The following PALLD variants were observed in gnomAD, a reference collection of about 807,000 sequenced individuals.
PALLD encodes palladin, cytoskeletal associated protein, also known as palladin.
PALLD carries 61 observed loss-of-function variants against 123.5 expected under a neutral mutation model. That is an observed-to-expected ratio of 0.49 (90% CI 0.40 to 0.61). The LOEUF (loss-of-function observed/expected upper bound fraction) is 0.61, where lower values mean the gene tolerates loss of function less well. Ranked by LOEUF, PALLD falls within the 20% of genes least tolerant of loss-of-function variation. The probability of loss-of-function intolerance (pLI) is 0.00; values close to 1 mark genes in which losing one functional copy is unlikely to be tolerated. For synonymous variants in PALLD, 465 were observed against 496.4 expected, an observed-to-expected ratio of 0.94 and a Z score of 0.84; for missense variants, 1,273 against 1,377.0, an observed-to-expected ratio of 0.92 and a Z score of 1.20.
In PALLD at chr4:168,668,374, G is replaced by C; in HGVS notation, c.1087+6G>C. On this transcript the variant is annotated splice_donor_region_variant and intron_variant, in intron 3 of 21. Coordinates refer to ENST00000505667, the MANE Select transcript of PALLD (RefSeq NM_001166108.2). Reference sequence around the variant, plus strand: ...TGCTGAGGTGTTCATTGAAGGTAAGGAGGGGTGCCTGGTAATGGGGGATAA... The same window carrying C: ...TGCTGAGGTGTTCATTGAAGGTAAGCAGGGGTGCCTGGTAATGGGGGATAA... 6.3e-7 allele frequency: 1 copy of C among 1,594,852 alleles called. No homozygotes were observed. The highest frequency in any genetic ancestry group is 8.6e-7 in the Non-Finnish European group (1 of 1,168,204).
At chr4:168,785,322 T>C (rs188220263) in intron 10 of PALLD, among the ~76,000 whole-genome samples, 44 of 152,212 alleles carry the variant, frequency 2.9e-4, no homozygotes, top group Non-Finnish European at 5.0e-4. Context: ...TGAATCACAG[T>C]CCTTGTTCCT....
At chr4:168,879,694 T>C (rs562234845) in intron 10 of PALLD, among the ~76,000 whole-genome samples, 1 of 152,206 alleles carries the variant, frequency 6.6e-6, no homozygotes, top group Non-Finnish European at 1.5e-5. Flanking sequence ...TTACATTAAT[T>C]TGAAATGTGG....
chr4:168,722,139 G>A (rs1217211413), intron 10 of PALLD, among the ~76,000 whole-genome samples: 1 of 152,080 alleles, frequency 6.6e-6, no homozygotes, highest in Non-Finnish European at 1.5e-5. Flanking sequence ...GACCTCCCTG[G>A]GCTCAGGTGA....
chr4:168,882,819 T>C (rs1250969356), intron 10 of PALLD, among the ~76,000 whole-genome samples: 3 of 152,148 alleles, frequency 2.0e-5, no homozygotes, highest in African/African-American at 4.8e-5. Flanking sequence ...TGTACGGCTG[T>C]GTACCAAGTT....
intron 2 of PALLD, among the ~76,000 whole-genome samples, chr4:168,603,866 T>TTGCAGACATC (rs1772915120): frequency 6.6e-6 from 1 of 152,230 alleles, no homozygotes; most frequent in Non-Finnish European, 1.5e-5. Flanking sequence ...TTTTAAAAAA[T>TTGCAGACATC]TGCAGACATC....
intron 2 of PALLD, among the ~76,000 whole-genome samples, chr4:168,659,460 T>A (rs1778921628): frequency 6.6e-6 from 1 of 152,158 alleles, no homozygotes. Context: ...CATCCTGAAA[T>A]CACCCGTGAC....
In PALLD at chr4:168,794,477, C is replaced by T. The variant is rs190936139; in HGVS notation, c.1964+82554C>T. 2.0e-3 allele frequency among the ~76,000 whole-genome samples: 287 copies of T among 147,108 alleles called. 1 individual carries two copies. The highest frequency in any genetic ancestry group is 3.0e-3 in the Non-Finnish European group (202 of 67,312). On this transcript the variant is annotated intron_variant, in intron 10 of 21. Transcript: ENST00000505667. ...CGCAGCGCACAGACGTACGTGCACA[C>T]GCACACACACATGCACGCACACACA...
intron 10 of PALLD, among the ~76,000 whole-genome samples, chr4:168,873,732 A>G (rs1238970670): frequency 6.6e-6 from 1 of 152,230 alleles, no homozygotes; most frequent in Non-Finnish European, 1.5e-5. Context: ...AGCACTTCAC[A>G]TCCAGGTTCT....
At chr4:168,805,480 C>G (rs777518987) in intron 10 of PALLD, among the ~76,000 whole-genome samples, 9 of 152,112 alleles carry the variant, frequency 5.9e-5, no homozygotes, top group Non-Finnish European at 8.8e-5. Context: ...TTTTCTCGGT[C>G]CAATCCGATG....
chr4:168,774,968 G>T (rs1734978599), intron 10 of PALLD, among the ~76,000 whole-genome samples: 1 of 151,926 alleles, frequency 6.6e-6, no homozygotes, highest in South Asian at 2.1e-4. Flanking sequence ...TCCATGTCTT[G>T]TTATATGTAT....
At chr4:168,571,575 ATG>A (rs1277621569) in intron 2 of PALLD, among the ~76,000 whole-genome samples, 1 of 152,138 alleles carries the variant, frequency 6.6e-6, no homozygotes, top group African/African-American at 2.4e-5. Flanking sequence ...GACTCCCAAA[ATG>A]TGTTACTTTT....
At chr4:168,656,238 C>CACCCCCA (rs1778548179) in intron 2 of PALLD, among the ~76,000 whole-genome samples, 1 of 125,312 alleles carries the variant, frequency 8.0e-6, no homozygotes. Context: ...CCATTCTCCA[C>CACCCCCA]CCCCCCACCC....
At chr4:168,797,412 T>C (rs2150655909) in intron 10 of PALLD, among the ~76,000 whole-genome samples, 1 of 152,120 alleles carries the variant, frequency 6.6e-6, no homozygotes, top group Admixed American at 6.5e-5. Flanking sequence ...CATCTGTCTG[T>C]TCATCATCAT....
intron 10 of PALLD, among the ~76,000 whole-genome samples, chr4:168,778,474 CTTT>C (rs1735473975): frequency 6.6e-6 from 1 of 152,128 alleles, no homozygotes; most frequent in Non-Finnish European, 1.5e-5. Context: ...AAGCTTGCAT[CTTT>C]GCTTGTGTGT....
intron 8 of PALLD, among the ~76,000 whole-genome samples, chr4:168,704,664 CAA>C (rs35183478): frequency 0.017 from 1,420 of 81,404 alleles, 9 homozygotes; most frequent in African/African-American, 0.037. Flanking sequence ...GACTCTGTCT[CAA>C]AAAAAAAAAA....
At chr4:168,679,008 G>C (rs186781826) in intron 3 of PALLD, among the ~76,000 whole-genome samples, 1 of 146,484 alleles carries the variant, frequency 6.8e-6, no homozygotes, top group Non-Finnish European at 1.5e-5. Context: ...GTGGGTATGT[G>C]TAGCATGGGT....
intron 10 of PALLD, among the ~76,000 whole-genome samples, chr4:168,867,856 C>T (rs1182048386): frequency 6.7e-6 from 1 of 150,126 alleles, no homozygotes; most frequent in Non-Finnish European, 1.5e-5. Flanking sequence ...GTTTCCAAGG[C>T]CACTTTCTAA....
At chr4:168,556,863 A>G (rs1767361521) in intron 2 of PALLD, among the ~76,000 whole-genome samples, 1 of 132,614 alleles carries the variant, frequency 7.5e-6, no homozygotes, top group Non-Finnish European at 1.6e-5. Flanking sequence ...TGACTAAGGC[A>G]TGAAGCCTAG....
At chr4:168,512,555 C>A in intron 2 of PALLD, 143 bp downstream of exon 2, 1 of 795,014 alleles carries the variant, frequency 1.3e-6, no homozygotes, top group Non-Finnish European at 2.1e-6. Flanking sequence ...AGCCCAGAAT[C>A]GCCACTATGA....
Sources: gnomAD v4.1 joint callset for allele counts (sites outside exome capture counted in the v4.1 genomes callset) on GRCh38, gnomAD v4.1.1 for gene constraint, MANE v1.5 for transcripts, NCBI Gene and HGNC (gene_info 2026-07-23, HGNC 2026-07-21) for gene names.